The following SLC44A1 variants were observed in gnomAD, a reference collection of about 807,000 sequenced individuals.
SLC44A1 encodes the protein choline transporter-like protein 1.
Under a neutral mutation model 79.3 loss-of-function variants are expected in SLC44A1, and 26 were observed. That is an observed-to-expected ratio of 0.33 (90% CI 0.24 to 0.46). The LOEUF is 0.46. Ranked by LOEUF, SLC44A1 falls within the 20% of genes least tolerant of loss-of-function variation. The pLI is 1.00. For missense variants in SLC44A1, 688 were observed against 798.1 expected (o/e 0.86, Z 1.66); for synonymous variants, 263 against 286.2 (o/e 0.92, Z 0.82).
chr9:105,354,039 CTTTTTTTTTTTTTT>C (rs556502972), intron 5 of SLC44A1, among the ~76,000 whole-genome samples: 9 of 98,484 alleles, frequency 9.1e-5, no homozygotes, highest in Non-Finnish European at 1.2e-4. Flanking sequence ...ACAGTTAATC[CTTTTTTTTTTTTTT>C]TTTTTTTTTT....
chr9:105,412,762 C>T (rs749359905), intron 15 of SLC44A1, among the ~76,000 whole-genome samples: 19 of 152,120 alleles, frequency 1.2e-4, no homozygotes, highest in South Asian at 2.1e-4. Flanking sequence ...CCACCACGCC[C>T]GGCTAATTTT....
At chr9:105,257,246 GC>G (rs1173749220) in intron 1 of SLC44A1, among the ~76,000 whole-genome samples, 6 of 151,878 alleles carry the variant, frequency 4.0e-5, no homozygotes, top group African/African-American at 1.5e-4. Flanking sequence ...ACAAGCATGT[GC>G]CACCACGCCT....
At chr9:105,411,448 G>C (rs961744535) in intron 15 of SLC44A1, among the ~76,000 whole-genome samples, 1 of 142,314 alleles carries the variant, frequency 7.0e-6, no homozygotes, top group African/African-American at 2.9e-5. Flanking sequence ...GTCTCTCTCT[G>C]TGTATGTGTG....
chr9:105,332,954 A>G (rs1174650474), intron 3 of SLC44A1, among the ~76,000 whole-genome samples: 3 of 152,236 alleles, frequency 2.0e-5, no homozygotes, highest in Non-Finnish European at 4.4e-5. Context: ...TCAGATAAGG[A>G]AACTGAGGCT....
In SLC44A1 at chr9:105,391,318, A is replaced by G; in HGVS notation, c.*2262A>G. ...TTTGCAACTAGAACTGTAATCAGAA[A>G]GAAATTTTGTATTTTTGTATAACTT... On this transcript the variant is annotated 3_prime_UTR_variant, in exon 16 of 16. Transcript: ENST00000374720. 2.0e-6 allele frequency: 2 copies of G among 985,816 alleles called. No homozygotes were observed. Among genetic ancestry groups the G allele is most frequent in the Non-Finnish European group, 2.4e-6 (2 of 829,870 alleles). 61.1% of individuals were successfully genotyped at this position (985,816 alleles called of 1,614,324 possible).
At chr9:105,347,132 A>G (rs1431736067) in intron 4 of SLC44A1, among the ~76,000 whole-genome samples, 3 of 152,122 alleles carry the variant, frequency 2.0e-5, no homozygotes, top group South Asian at 4.1e-4. Flanking sequence ...TCTTTTTTCT[A>G]TGTTCCCTTC....
intron 15 of SLC44A1, among the ~76,000 whole-genome samples, chr9:105,405,955 C>T (rs1462903534): frequency 6.6e-6 from 1 of 152,198 alleles, no homozygotes; most frequent in African/African-American, 2.4e-5. Flanking sequence ...AGGCCACACA[C>T]ATGCCCAGGG....
chr9:105,356,394 C>G lies in SLC44A1; in HGVS notation c.670+13C>G. 6.4e-7 allele frequency: 1 copy of G among 1,560,428 alleles called. No individual in the cohort carries two copies. The highest frequency in any genetic ancestry group is 8.7e-7 in the Non-Finnish European group (1 of 1,145,502). On this transcript the variant is annotated intron_variant, in intron 6 of 15. Coordinates refer to ENST00000374720, the MANE Select transcript of SLC44A1 (RefSeq NM_080546.5). ...TTGTTATCACTAGGTAATTGTTTTT[C>G]TCATTATTAGCTATTGCATAGTATT...
chr9:105,291,120 T>G (rs1830593086), intron 1 of SLC44A1, among the ~76,000 whole-genome samples: 2 of 152,230 alleles, frequency 1.3e-5, no homozygotes, highest in Admixed American at 1.3e-4. Context: ...CATAGTTTAT[T>G]GCTACTCAAC....
chr9:105,380,058 G>C (rs1418919647), intron 13 of SLC44A1, among the ~76,000 whole-genome samples: 1 of 152,178 alleles, frequency 6.6e-6, no homozygotes, highest in Admixed American at 6.5e-5. Flanking sequence ...AAGGAAGGGA[G>C]AGAGGGAGAA....
chr9:105,373,593 G>C (rs1828182388), intron 12 of SLC44A1, among the ~76,000 whole-genome samples: 1 of 152,062 alleles, frequency 6.6e-6, no homozygotes, highest in Admixed American at 6.5e-5. Flanking sequence ...GGAAGAGCTG[G>C]GATTCTTAGC....
chr9:105,433,383 C>T (rs986044760), intron 15 of SLC44A1, among the ~76,000 whole-genome samples: 1 of 152,020 alleles, frequency 6.6e-6, no homozygotes, highest in African/African-American at 2.4e-5. Flanking sequence ...ATGGGTACCC[C>T]ACAAAAGGGG....
intron 3 of SLC44A1, among the ~76,000 whole-genome samples, chr9:105,334,349 A>T (rs1826845312): frequency 6.6e-6 from 1 of 151,002 alleles, no homozygotes; most frequent in Non-Finnish European, 1.5e-5. Context: ...AGGCCTCTGT[A>T]GTAGCCCCCT....
downstream of SLC44A1, among the ~76,000 whole-genome samples, chr9:105,397,958 A>C (rs1969982): frequency 6.6e-6 from 1 of 151,660 alleles, no homozygotes. Context: ...AGAAAAAAAA[A>C]AAAAAGAAAA....
chr9:105,369,385 G>A (rs1828034269), intron 12 of SLC44A1, among the ~76,000 whole-genome samples: 1 of 152,170 alleles, frequency 6.6e-6, no homozygotes, highest in African/African-American at 2.4e-5. Flanking sequence ...TCACATGGTG[G>A]AAGAGACAAA....
chr9:105,416,844 T>C (rs1179497090), intron 15 of SLC44A1, among the ~76,000 whole-genome samples: 1 of 152,192 alleles, frequency 6.6e-6, no homozygotes, highest in African/African-American at 2.4e-5. Context: ...TGACTATCCA[T>C]GCACAAAGTA....
At chr9:105,361,129 AT>A in intron 7 of SLC44A1, 61 bp from the exon 8 acceptor site, 1 of 1,531,708 alleles carries the variant, frequency 6.5e-7, no homozygotes, top group Admixed American at 1.7e-5. Flanking sequence ...AAAATTGAGA[AT>A]TTATGTTACA....
intron 15 of SLC44A1, among the ~76,000 whole-genome samples, chr9:105,418,981 A>G (rs1052020564): frequency 2.0e-5 from 3 of 152,116 alleles, no homozygotes; most frequent in Non-Finnish European, 4.4e-5. Flanking sequence ...GCACTCATCT[A>G]CTCTTAATGT....
intron 1 of SLC44A1, among the ~76,000 whole-genome samples, chr9:105,266,522 G>A (rs930125739): frequency 2.6e-5 from 4 of 152,166 alleles, no homozygotes; most frequent in African/African-American, 9.7e-5. Flanking sequence ...TTTTGTGTGT[G>A]TGTATGAATA....
Sources: gnomAD v4.1 joint callset for allele counts (sites outside exome capture counted in the v4.1 genomes callset) on GRCh38, gnomAD v4.1.1 for gene constraint, MANE v1.5 for transcripts, NCBI Gene and HGNC (gene_info 2026-07-23, HGNC 2026-07-21) for gene names.